Variants in MVB12B observed in about 807,000 individuals in gnomAD.
MVB12B encodes ESCRT-I complex subunit MVB12B.
A neutral mutation model predicts 41.6 loss-of-function variants in MVB12B; 16 were observed. The observed-to-expected ratio is 0.38, with a 90% CI of 0.26 to 0.58. The LOEUF is 0.58. Among genes scored for constraint, MVB12B ranks in the 20% least tolerant of loss-of-function variants. MVB12B has a pLI of 0.62. For missense variants in MVB12B, 274 were observed against 380.2 expected (o/e 0.72, Z 2.32); for synonymous variants, 133 against 139.7 (o/e 0.95, Z 0.34).
rs1224590304 is a variant in MVB12B, at chr9:126,436,976, A to C, written c.757+15028A>C. Among the ~76,000 whole-genome samples, 1 of 152,228 alleles carries C rather than the reference A, an allele frequency of 6.6e-6. No individual in the cohort carries two copies. The highest frequency in any genetic ancestry group is 1.5e-5 in the Non-Finnish European group (1 of 68,032). On this transcript the variant is annotated intron_variant, in intron 7 of 9. Coordinates refer to ENST00000361171, the MANE Select transcript of MVB12B (RefSeq NM_033446.3). This position sits in a 1 kb window ranked among gnomAD's most constrained non-coding sequence, Gnocchi z 4.1. ...GAGCAGAGCAGACCTCTGAAAACAC[A>C]ATTTATAACATGGCTTCTGCCCTTC...
chr9:126,498,035 C>T (rs763838011), intron 9 of MVB12B, among the ~76,000 whole-genome samples: 3 of 152,212 alleles, frequency 2.0e-5, no homozygotes, highest in South Asian at 2.1e-4. Flanking sequence ...GGGACTGCAG[C>T]GCTTCAGGCC....
intron 2 of MVB12B, among the ~76,000 whole-genome samples, chr9:126,363,015 C>T (rs1011202860): frequency 6.6e-6 from 1 of 151,930 alleles, no homozygotes; most frequent in Non-Finnish European, 1.5e-5. Flanking sequence ...GGTGAAACCC[C>T]GTCTCTACTA....
At chr9:126,409,955 G>A (rs1402808559) in intron 6 of MVB12B, among the ~76,000 whole-genome samples, 1 of 152,160 alleles carries the variant, frequency 6.6e-6, no homozygotes, top group African/African-American at 2.4e-5. Context: ...CGTTGTTCTT[G>A]ATTATTTCTG....
chr9:126,441,811 A>G (rs921217654), intron 7 of MVB12B, among the ~76,000 whole-genome samples: 12 of 152,250 alleles, frequency 7.9e-5, no homozygotes, highest in African/African-American at 2.7e-4. Flanking sequence ...TGCATATGCA[A>G]ATGTGATTTA....
At chr9:126,495,834 C>T (rs147093240) in intron 9 of MVB12B, among the ~76,000 whole-genome samples, 1 of 152,332 alleles carries the variant, frequency 6.6e-6, no homozygotes, top group Non-Finnish European at 1.5e-5. Flanking sequence ...AAACACCGCA[C>T]AGGCCAGCAC....
intron 6 of MVB12B, among the ~76,000 whole-genome samples, chr9:126,403,488 C>G (rs1319830087): frequency 1.3e-5 from 2 of 152,218 alleles, no homozygotes; most frequent in Non-Finnish European, 2.9e-5. Context: ...CCTGGCATCT[C>G]ACAGTTCCCT....
intron 2 of MVB12B, among the ~76,000 whole-genome samples, chr9:126,357,187 G>C (rs1829904237): frequency 1.3e-5 from 2 of 152,082 alleles, no homozygotes; most frequent in Admixed American, 6.5e-5. Context: ...TCATATTGTT[G>C]AGTGTGTCCT....
In MVB12B at chr9:126,505,363, G is replaced by A. The variant is rs1302487834; in HGVS notation, c.*2100G>A. The A allele has an allele frequency of 1.3e-5, 2 of 152,170 alleles. No individual in the cohort carries two copies. The highest frequency in any genetic ancestry group is 2.9e-5 in the Non-Finnish European group (2 of 68,018). 9.4% of individuals were successfully genotyped at this position (152,170 alleles called of 1,614,324 possible). A position where few individuals can be genotyped will look rare whatever the true frequency, so the allele number is the denominator to read the frequency against. Reference sequence around the variant, plus strand: ...ACTGATGCCGCTGCAGGCCCCTGTCGAGCTGGGGTCCCAGCCAGGTGCCCC... The same window carrying A: ...ACTGATGCCGCTGCAGGCCCCTGTCAAGCTGGGGTCCCAGCCAGGTGCCCC... On this transcript the variant is annotated 3_prime_UTR_variant, in exon 10 of 10. Coordinates refer to ENST00000361171, the MANE Select transcript of MVB12B (RefSeq NM_033446.3).
chr9:126,373,386 G>C (rs181293871), intron 2 of MVB12B, among the ~76,000 whole-genome samples: 5 of 152,386 alleles, frequency 3.3e-5, no homozygotes, highest in Admixed American at 2.6e-4. Flanking sequence ...GTTGCCCGCT[G>C]TCTGGCCTGG....
Position 126,367,712 on chromosome 9 carries a change from G to C in MVB12B, c.205-13352G>C, listed in dbSNP as rs1324695330. 6.6e-6 allele frequency among the ~76,000 whole-genome samples: 1 copy of C among 152,158 alleles called. No individual in the cohort carries two copies. Among genetic ancestry groups the C allele is most frequent in the African/African-American group, 2.4e-5 (1 of 41,434 alleles). On this transcript the variant is annotated intron_variant, in intron 2 of 9. Transcript: ENST00000361171. This position sits in a 1 kb window ranked among gnomAD's most constrained non-coding sequence, Gnocchi z 4.3. ...CCTGCACTAGTTGCTTCCACACACA[G>C]TATTTATTTCACACAATAACCCTGC...
chr9:126,458,520 G>C (rs575454752), intron 7 of MVB12B, among the ~76,000 whole-genome samples: 1 of 152,262 alleles, frequency 6.6e-6, no homozygotes, highest in East Asian at 1.9e-4. Flanking sequence ...GGATTCACGT[G>C]ATATTCTTCT....
At chr9:126,331,856 G>T (rs1448725705) in intron 1 of MVB12B, among the ~76,000 whole-genome samples, 2 of 152,212 alleles carry the variant, frequency 1.3e-5, no homozygotes, top group African/African-American at 4.8e-5. Flanking sequence ...AGGAAGGGGC[G>T]TTGGTTGGAG....
chr9:126,386,579 G>T lies in MVB12B; in HGVS notation c.330G>T (p.Val110=), dbSNP rs141020245. The T allele has an allele frequency of 1.1e-5, 17 of 1,613,600 alleles. No individual in the cohort carries two copies. The African/African-American group carries it at 1.7e-4, about 16-fold the overall frequency. The part of the protein sequence containing the change: ...FSKENSHLGN[V]LVDMKLIDIK... ...TTCCCAAGAGTCATCTGGGGAACGT[G>T]TTAGTAGATATGAAGCTCATTGACA... The change falls in exon 4 of 10, where the codon GTG becomes GTT. Residue 110 remains valine, a synonymous_variant. Coordinates refer to ENST00000361171, the MANE Select transcript of MVB12B (RefSeq NM_033446.3). The surrounding 1 kb of genome is among the most constrained non-coding windows in gnomAD (Gnocchi z 4.3).
rs138590346 is a variant in MVB12B at position 126,440,638 on chromosome 9, C to CA, written c.757+18698dup. ...CCAGGCCCCACTTCTAAACGTGTAG[C>CA]AAAAAAAATCTGTTTTGGTATTTCC... On this transcript the variant is annotated intron_variant, in intron 7 of 9. Transcript: ENST00000361171. 4.6e-5 allele frequency among the ~76,000 whole-genome samples: 7 copies of CA among 151,160 alleles called. No individual in the cohort carries two copies. The South Asian group carries it at 8.3e-4, about 18-fold the overall frequency.
intron 7 of MVB12B, among the ~76,000 whole-genome samples, chr9:126,443,653 A>G (rs759152703): frequency 1.3e-5 from 2 of 152,224 alleles, no homozygotes; most frequent in Non-Finnish European, 2.9e-5. Context: ...TTTCTATGCC[A>G]TATGTTTACA....
intron 6 of MVB12B, among the ~76,000 whole-genome samples, chr9:126,398,261 C>T (rs991852973): frequency 6.6e-6 from 1 of 151,714 alleles, no homozygotes; most frequent in Non-Finnish European, 1.5e-5. Flanking sequence ...GGTGAGCCTC[C>T]GAGGAGCTCC....
intron 2 of MVB12B, among the ~76,000 whole-genome samples, chr9:126,354,196 C>G (rs1380470628): frequency 6.6e-6 from 1 of 152,076 alleles, no homozygotes; most frequent in Non-Finnish European, 1.5e-5. Flanking sequence ...TCTAGGCTTC[C>G]CTTATATATT....
At chr9:126,443,223 T>A (rs1832683846) in intron 7 of MVB12B, among the ~76,000 whole-genome samples, 1 of 152,206 alleles carries the variant, frequency 6.6e-6, no homozygotes, top group African/African-American at 2.4e-5. Context: ...GGGACCGTGA[T>A]TCCTTTCTCT....
Position 126,376,587 on chromosome 9 carries a change from G to A in MVB12B, c.205-4477G>A. 2.3e-6 allele frequency: 3 copies of A among 1,289,428 alleles called. No individual in the cohort carries two copies. Among genetic ancestry groups the A allele is most frequent in the Non-Finnish European group, 3.0e-6 (3 of 988,876 alleles). The allele number at this position is 1,289,428 out of a possible 1,614,324, so 79.9% of individuals were successfully genotyped here. ...GCGCTTTCCAGAGACAAAGCCCTCA[G>A]TGTCCAGTGTTCAGGGGAGGCGGCT... On this transcript the variant is annotated intron_variant, in intron 2 of 9. Transcript: ENST00000361171. The surrounding 1 kb of genome is among the most constrained non-coding windows in gnomAD (Gnocchi z 4.1).
Sources: gnomAD v4.1 joint callset for allele counts (sites outside exome capture counted in the v4.1 genomes callset) on GRCh38, gnomAD v4.1.1 for gene constraint, Gnocchi (gnomAD v3.1) non-coding constraint, MANE v1.5 for transcripts, NCBI Gene and HGNC (gene_info 2026-07-23, HGNC 2026-07-21) for gene names.